Variants in TXNDC5 observed in about 807,000 individuals in gnomAD.
The protein encoded by TXNDC5 is thioredoxin domain containing 5, also known as thioredoxin domain-containing protein 5.
TXNDC5 carries 44 observed loss-of-function variants against 52.6 expected under a neutral mutation model. The observed-to-expected ratio is 0.84, with a 90% CI of 0.66 to 1.08. TXNDC5 has a LOEUF of 1.08. Among genes scored for constraint, TXNDC5 ranks in the 50% least tolerant of loss-of-function variants. TXNDC5 has a pLI of 0.00. For missense variants in TXNDC5, 600 were observed against 565.5 expected (o/e 1.06, Z -0.62); for synonymous variants, 241 against 234.4 (o/e 1.03, Z -0.26).
intron 7 of TXNDC5, 86 bp from the exon 8 acceptor site, chr6:7,886,129 G>C: frequency 3.3e-6 from 4 of 1,220,720 alleles, no homozygotes; most frequent in Middle Eastern, 1.9e-4. Context: ...ACACGAATCA[G>C]TAATTTTTTA....
chr6:7,894,813 G>A (rs572119554), intron 4 of TXNDC5: 53 of 985,428 alleles, frequency 5.4e-5, no homozygotes, highest in East Asian at 2.3e-4. Context: ...GCAATCAAGC[G>A]AGGTGAGTCT....
chr6:7,909,793 C>A, intron 1 of TXNDC5: 1 of 986,022 alleles, frequency 1.0e-6, no homozygotes, highest in Non-Finnish European at 1.2e-6. Flanking sequence ...ACAAAAGACG[C>A]ACAAAGTGGG....
At chr6:7,899,547 G>A in intron 3 of TXNDC5, 29 bp downstream of exon 3, 3 of 1,564,768 alleles carry the variant, frequency 1.9e-6, no homozygotes, top group Non-Finnish European at 2.6e-6. Context: ...GAGGGAGGGA[G>A]GGAGGGAGGG....
In TXNDC5 at chr6:7,899,547, G is replaced by GGGAGGGAGGGAA; in HGVS notation, c.519+17_519+28dup. The GGGAGGGAGGGAA allele has an allele frequency of 1.3e-6, 2 of 1,564,770 alleles. 1 individual carries two copies. ...AGGCAGGGAGAGAGGGAGGGAGGGA[G>GGGAGGGAGGGAA]GGAGGGAGGGAAGGAGGTAGACACT... On this transcript the variant is annotated intron_variant, in intron 3 of 9. Transcript: ENST00000379757.
In TXNDC5 at chr6:7,906,484, C is replaced by T. The variant is rs934778830; in HGVS notation, c.264-1761G>A. Among the ~76,000 whole-genome samples the T allele has an allele frequency of 6.0e-5, 8 of 132,384 alleles. No homozygotes were observed. The East Asian group carries it at 1.7e-3, about 28-fold the overall frequency. 86.8% of individuals were successfully genotyped at this position (132,384 alleles called of 152,430 possible). A position where few individuals can be genotyped will look rare whatever the true frequency, so the allele number is the denominator to read the frequency against. On this transcript the variant is annotated intron_variant, in intron 1 of 9. Coordinates refer to ENST00000379757, the MANE Select transcript of TXNDC5 (RefSeq NM_030810.5). ...CCGGGAGGCGGAGGTTGCAGTGAGC[C>T]GAGACCATGCTATTGCACTCCAGCC...
chr6:7,891,760 G>T, intron 4 of TXNDC5, 24 bp from the exon 5 acceptor site: 1 of 1,551,182 alleles, frequency 6.4e-7, no homozygotes, highest in Non-Finnish European at 8.9e-7. Flanking sequence ...CCAAGGCAGA[G>T]ACGGGGGAAA....
chr6:7,906,743 T>C (rs1449685869), intron 1 of TXNDC5, among the ~76,000 whole-genome samples: 1 of 150,878 alleles, frequency 6.6e-6, no homozygotes, highest in African/African-American at 2.5e-5. Context: ...TGAGTTTATG[T>C]GGCGGGGGAG....
At chr6:7,907,718 C>G (rs1561816772) in intron 1 of TXNDC5, among the ~76,000 whole-genome samples, 2 of 152,164 alleles carry the variant, frequency 1.3e-5, no homozygotes, top group Non-Finnish European at 2.9e-5. Flanking sequence ...CTCCTTCCCT[C>G]TCCTGCATAG....
intron 3 of TXNDC5, among the ~76,000 whole-genome samples, chr6:7,898,084 T>C (rs1019239410): frequency 1.3e-5 from 2 of 151,560 alleles, no homozygotes; most frequent in South Asian, 2.1e-4. Context: ...TTTTCCACGA[T>C]AGTTTTTGCT....
At chr6:7,895,882 A>G (rs1760352984) in intron 3 of TXNDC5, among the ~76,000 whole-genome samples, 1 of 152,106 alleles carries the variant, frequency 6.6e-6, no homozygotes, top group Non-Finnish European at 1.5e-5. Context: ...GGTCCCAGCT[A>G]CTTGGGAGGC....
chr6:7,901,113 T>C (rs1760551664), intron 2 of TXNDC5, among the ~76,000 whole-genome samples: 1 of 152,090 alleles, frequency 6.6e-6, no homozygotes, highest in Non-Finnish European at 1.5e-5. Flanking sequence ...ACACCCAGCT[T>C]CCTCAGCAGC....
At chr6:7,889,603 C>A in intron 5 of TXNDC5, 22 bp from the exon 6 acceptor site, 2 of 1,587,110 alleles carry the variant, frequency 1.3e-6, no homozygotes, top group Non-Finnish European at 1.7e-6. Context: ...AGCAGATCAA[C>A]TTCCCAGTCA....
At chr6:7,892,994 C>T (rs145877916) in intron 4 of TXNDC5, among the ~76,000 whole-genome samples, 135 of 152,244 alleles carry the variant, frequency 8.9e-4, no homozygotes, top group Non-Finnish European at 1.7e-3. Context: ...AGTGTGACCA[C>T]GCTATAAAAA....
chr6:7,884,617 A>ACCAAAT (rs1426811361), intron 8 of TXNDC5, 129 bp from the exon 9 acceptor site: 2 of 1,307,098 alleles, frequency 1.5e-6, no homozygotes, highest in Non-Finnish European at 1.0e-6. Flanking sequence ...TTTGTAAAAT[A>ACCAAAT]CCAAATTCTC....
Position 7,910,683 on chromosome 6 carries a change from C to A in TXNDC5, c.94G>T (p.Gly32Trp). 1 of 1,118,908 alleles carries A rather than the reference C, an allele frequency of 8.9e-7. No individual in the cohort carries two copies. The highest frequency in any genetic ancestry group is 1.1e-6 in the Non-Finnish European group (1 of 916,578). The allele number at this position is 1,118,908 out of a possible 1,614,324, so 69.3% of individuals were successfully genotyped here. The stretch of plus-strand genomic sequence containing the variant: ...TCCTGGGCCCGGGCGCCCCAGCGCC[C>A]GCCGCCGCCATGGCCCAGCAGCAGC... The part of the protein sequence containing the change: ...LLLLLGHGGG[G>W]RWGARAQEAA... Residue 32 changes from glycine (G) to tryptophan (W), a missense_variant, in exon 1 of 10, where the codon GGG becomes TGG. Physicochemically the swap from Gly to Trp is radical, Grantham distance 184. Coordinates refer to ENST00000379757, the MANE Select transcript of TXNDC5 (RefSeq NM_030810.5).
chr6:7,899,503 C>T lies in TXNDC5; in HGVS notation c.519+73G>A, dbSNP rs182714900. ...ACCTCAACTGGCCTCTGCCCCGTTACATATTACCCCAAAGATGTAGGCAGG... is the reference window on the plus strand; with the variant it reads ...ACCTCAACTGGCCTCTGCCCCGTTATATATTACCCCAAAGATGTAGGCAGG... On this transcript the variant is annotated intron_variant, in intron 3 of 9. Coordinates refer to ENST00000379757, the MANE Select transcript of TXNDC5 (RefSeq NM_030810.5). 5.2e-3 allele frequency: 5,743 copies of T among 1,099,830 alleles called. 33 individuals are homozygous for T. The highest frequency in any genetic ancestry group is 6.3e-3 in the Non-Finnish European group (4,929 of 781,488). 68.1% of individuals were successfully genotyped at this position (1,099,830 alleles called of 1,614,324 possible).
In TXNDC5 at chr6:7,884,416, C is replaced by A; in HGVS notation, c.1119G>T (p.Gly373=). The A allele has an allele frequency of 1.2e-6, 2 of 1,614,082 alleles. No homozygotes were observed. The highest frequency in any genetic ancestry group is 1.7e-6 in the Non-Finnish European group (2 of 1,180,012). ...LSKKEFPGLA[G]VKIAEVDCTA... ...TGCAGTCTACTTCGGCGATCTTGAC[C>A]CCCGCCAGACCAGGGAATTCCTTTT... Residue 373 remains glycine (G), a synonymous_variant, in exon 9 of 10, where the codon GGG becomes GGT. Transcript: ENST00000379757.
intron 5 of TXNDC5, among the ~76,000 whole-genome samples, chr6:7,891,000 C>T (rs757019189): frequency 1.3e-5 from 2 of 152,138 alleles, no homozygotes; most frequent in African/African-American, 2.4e-5. Flanking sequence ...AGCCCCATGG[C>T]AAGGTAGAAA....
chr6:7,909,347 T>A (rs80097427), intron 1 of TXNDC5, among the ~76,000 whole-genome samples: 10 of 152,250 alleles, frequency 6.6e-5, no homozygotes, highest in African/African-American at 2.2e-4. Flanking sequence ...TCAAAGGTCT[T>A]GTGTCCTAAA....
Sources: allele counts gnomAD v4.1 joint callset (sites outside exome capture counted in the v4.1 genomes callset), GRCh38; gene constraint gnomAD v4.1.1; transcripts MANE v1.5; gene names NCBI Gene and HGNC (gene_info 2026-07-23, HGNC 2026-07-21).